Variants in ESR2 observed in about 807,000 individuals in gnomAD.
ESR2 encodes the protein estrogen receptor beta.
Under a neutral mutation model 49.6 loss-of-function variants are expected in ESR2, and 36 were observed. The observed-to-expected ratio is 0.73, with a 90% CI of 0.56 to 0.96. The LOEUF is 0.96. Ranked by LOEUF, ESR2 falls within the 40% of genes least tolerant of loss-of-function variation. ESR2 has a pLI of 0.00. For synonymous variants in ESR2, 320 were observed against 266.1 expected (o/e 1.20, Z -1.97); for missense variants, 714 against 693.0 (o/e 1.03, Z -0.34).
chr14:64,320,242 C>T (rs73269921), intron 1 of ESR2, among the ~76,000 whole-genome samples: 6,890 of 152,150 alleles, frequency 0.045, 330 homozygotes, highest in African/African-American at 0.12. Flanking sequence ...AAATACACGA[C>T]ATTCTGGAAA....
At chr14:64,306,716 C>A (rs2077104827) in intron 1 of ESR2, among the ~76,000 whole-genome samples, 1 of 152,176 alleles carries the variant, frequency 6.6e-6, no homozygotes, top group South Asian at 2.1e-4. Flanking sequence ...ACCTGTGTTC[C>A]TGAAGACTAC....
rs1237921543 is a variant in ESR2 at position 64,249,535 on chromosome 14, T to C, written c.1225+11A>G. 6.2e-7 allele frequency: 1 copy of C among 1,613,168 alleles called. No homozygotes were observed. Among genetic ancestry groups the C allele is most frequent in the South Asian group, 1.1e-5 (1 of 90,784 alleles). ...CCCGATAAAACATGGCCCAGCTGTG[T>C]GATTACTTACTGGAATTGAGCAGGA... On this transcript the variant is annotated intron_variant, in intron 7 of 8. Coordinates refer to ENST00000341099, the MANE Select transcript of ESR2 (RefSeq NM_001437.3).
At chr14:64,242,766 G>A (rs572615668) in intron 7 of ESR2, among the ~76,000 whole-genome samples, 4 of 152,276 alleles carry the variant, frequency 2.6e-5, no homozygotes, top group African/African-American at 9.6e-5. Context: ...TCAATTTTCT[G>A]TAAGAGTATG....
intron 7 of ESR2, among the ~76,000 whole-genome samples, chr14:64,243,614 G>A (rs1408754730): frequency 2.0e-5 from 3 of 152,154 alleles, no homozygotes; most frequent in Non-Finnish European, 2.9e-5. Flanking sequence ...TTTTTGTTTG[G>A]TAGGATCATA....
chr14:64,263,302 G>T (rs2076257371), intron 4 of ESR2, among the ~76,000 whole-genome samples: 1 of 152,126 alleles, frequency 6.6e-6, no homozygotes, highest in South Asian at 2.1e-4. Flanking sequence ...TATTATTATA[G>T]ATAAGGAGAC....
chr14:64,317,644 T>C (rs750644518), intron 1 of ESR2, among the ~76,000 whole-genome samples: 1 of 152,164 alleles, frequency 6.6e-6, no homozygotes, highest in African/African-American at 2.4e-5. Flanking sequence ...ACCATGAGAA[T>C]TGGGTAGCAT....
At chr14:64,239,485 A>G (rs1041347651) in intron 7 of ESR2, among the ~76,000 whole-genome samples, 2 of 152,244 alleles carry the variant, frequency 1.3e-5, no homozygotes, top group African/African-American at 4.8e-5. Flanking sequence ...AACTGTTTAA[A>G]TAGACTTGTT....
Position 64,257,376 on chromosome 14 carries a change from A to T in ESR2, c.953-12T>A. Reference sequence around the variant, plus strand: ...GAGCTCCACAAAGCCTGGGGAAAGCAAGAGGCGGTGAGACACCCCCACCCC... The same window carrying T: ...GAGCTCCACAAAGCCTGGGGAAAGCTAGAGGCGGTGAGACACCCCCACCCC... On this transcript the variant is annotated splice_polypyrimidine_tract_variant and intron_variant, in intron 5 of 8. Coordinates refer to ENST00000341099, the MANE Select transcript of ESR2 (RefSeq NM_001437.3). 6.2e-7 allele frequency: 1 copy of T among 1,612,428 alleles called. No homozygotes were observed. The highest frequency in any genetic ancestry group is 8.5e-7 in the Non-Finnish European group (1 of 1,180,002).
At chr14:64,271,870 T>A (rs977119225) in intron 3 of ESR2, among the ~76,000 whole-genome samples, 2 of 152,244 alleles carry the variant, frequency 1.3e-5, no homozygotes, top group African/African-American at 4.8e-5. Flanking sequence ...AACATGGGAC[T>A]GCAGACATCT....
At chr14:64,265,804 A>G (rs1567758374) in intron 4 of ESR2, among the ~76,000 whole-genome samples, 1 of 152,336 alleles carries the variant, frequency 6.6e-6, no homozygotes, top group Admixed American at 6.5e-5. Flanking sequence ...AAAGGGTGAT[A>G]ACAGACTACA....
intron 1 of ESR2, among the ~76,000 whole-genome samples, chr14:64,326,924 A>G (rs918997600): frequency 1.3e-5 from 2 of 152,156 alleles, no homozygotes; most frequent in Admixed American, 6.5e-5. Context: ...GCTTCCTTCT[A>G]CCCTCCCTTT....
intron 3 of ESR2, among the ~76,000 whole-genome samples, chr14:64,277,438 A>G (rs894680724): frequency 9.2e-5 from 14 of 151,998 alleles, no homozygotes; most frequent in African/African-American, 2.9e-4. Context: ...ATCCTGGCTA[A>G]CATGCCGAAA....
At chr14:64,264,671 G>GACTA (rs2140745300) in intron 4 of ESR2, among the ~76,000 whole-genome samples, 1 of 152,172 alleles carries the variant, frequency 6.6e-6, no homozygotes, top group East Asian at 1.9e-4. Flanking sequence ...AGGAGTTGAA[G>GACTA]ACTAGCCTGG....
At position 64,233,168 on chromosome 14, in the gene ESR2, T is replaced by A. The variant is rs747065083; in HGVS notation, c.1562A>T (p.Lys521Ile). 6.2e-7 allele frequency: 1 copy of A among 1,613,808 alleles called. No homozygotes were observed. The change falls in exon 9 of 9, where the codon AAA (lysine) becomes ATA (isoleucine). Residue 521 changes from lysine (K) to isoleucine (I), a missense_variant. By Grantham distance (102) the Lys-to-Ile change is moderately radical (BLOSUM62 -3). Transcript: ENST00000341099. ...ECSPAEDSKS[K>I]EGSQNPQSQ ...AGACTGTGGGTTCTGGGAGCCCTCT[T>A]TGCTTTTACTGTCCTCTGCCGGGCT...
In ESR2 at chr14:64,229,820, ATAT is replaced by A. The variant is rs2098725547; in HGVS notation, c.*3314_*3316del. Among the ~76,000 whole-genome samples the A allele has an allele frequency of 6.6e-6, 1 of 152,204 alleles. No homozygotes were observed. The highest frequency in any genetic ancestry group is 6.5e-5 in the Admixed American group (1 of 15,288). ...GCACTGAGAACTGTGTCTGGCACAGATATTATCTTTAGATACTAAATAATGTGT... is the reference window on the plus strand; with the variant it reads ...GCACTGAGAACTGTGTCTGGCACAGATATCTTTAGATACTAAATAATGTGT... On this transcript the variant is annotated 3_prime_UTR_variant, in exon 9 of 9. Transcript: ENST00000341099.
chr14:64,325,737 C>T (rs374865077), intron 1 of ESR2, among the ~76,000 whole-genome samples: 1 of 152,134 alleles, frequency 6.6e-6, no homozygotes. Context: ...AAAGTGAAGA[C>T]GATGAGAATG....
At chr14:64,244,065 A>G (rs2075798039) in intron 7 of ESR2, among the ~76,000 whole-genome samples, 1 of 152,014 alleles carries the variant, frequency 6.6e-6, no homozygotes, top group Admixed American at 6.6e-5. Flanking sequence ...ATTTCTGGGT[A>G]TGTCTGTGAG....
At chr14:64,285,837 A>AAAAAG (rs1555587102) in intron 1 of ESR2, among the ~76,000 whole-genome samples, 8 of 146,838 alleles carry the variant, frequency 5.4e-5, no homozygotes, top group African/African-American at 1.7e-4. Flanking sequence ...AAAAAAAAAA[A>AAAAAG]AAAAAGAAAA....
chr14:64,275,263 ATC>A (rs1336507942), intron 3 of ESR2, among the ~76,000 whole-genome samples: 1 of 152,164 alleles, frequency 6.6e-6, no homozygotes, highest in African/African-American at 2.4e-5. Flanking sequence ...TGCTTTATAT[ATC>A]TGTGTGCTCC....
Sources: allele counts gnomAD v4.1 joint callset (sites outside exome capture counted in the v4.1 genomes callset), GRCh38; gene constraint gnomAD v4.1.1; transcripts MANE v1.5; gene names NCBI Gene and HGNC (gene_info 2026-07-23, HGNC 2026-07-21).